USP19: variants seen among roughly 807,000 people sequenced by gnomAD.
The protein encoded by USP19 is ubiquitin specific peptidase 19, also known as ubiquitin carboxyl-terminal hydrolase 19.
Under a neutral mutation model 144.8 loss-of-function variants are expected in USP19, and 40 were observed. The ratio of observed to expected loss-of-function variants is 0.28; its 90% CI spans 0.21 to 0.36. USP19 has a LOEUF of 0.36. Ranked by LOEUF, USP19 falls within the 10% of genes least tolerant of loss-of-function variation. The probability of loss-of-function intolerance (pLI) is 1.00; values close to 1 mark genes in which losing one functional copy is unlikely to be tolerated. For synonymous variants in USP19, 701 were observed against 709.3 expected (o/e 0.99, Z 0.19); for missense variants, 1,518 against 1,822.5 (o/e 0.83, Z 3.04).
At position 49,108,823 on chromosome 3, in the gene USP19, G is replaced by A. The variant is rs983682063; in HGVS notation, c.4039-295C>T. The A allele has an allele frequency of 1.0e-5, 15 of 1,446,662 alleles. No individual in the cohort carries two copies. The African/African-American group carries it at 2.0e-4, about 19-fold the overall frequency. The allele number at this position is 1,446,662 out of a possible 1,614,324, so 89.6% of individuals were successfully genotyped here. On this transcript the variant is annotated intron_variant, in intron 26 of 26. Coordinates refer to ENST00000417901, the MANE Select transcript of USP19 (RefSeq NM_001199161.2). The surrounding 1 kb of genome is among the most constrained non-coding windows in gnomAD (Gnocchi z 4.8). ...CCTAGGATACTCTGCCCCTGCAGGG[G>A]CCACAACCTCCCCACCCTCTCCCAC... is the stretch of plus-strand genomic sequence containing the variant.
chr3:49,119,485 C>T (rs2107581139), intron 1 of USP19, among the ~76,000 whole-genome samples: 3 of 152,350 alleles, frequency 2.0e-5, no homozygotes, highest in Admixed American at 2.0e-4. Context: ...CTCATAGATA[C>T]CCACCATAAC....
intron 1 of USP19, among the ~76,000 whole-genome samples, chr3:49,119,861 T>A (rs1239994424): frequency 6.6e-6 from 1 of 152,132 alleles, no homozygotes; most frequent in East Asian, 1.9e-4. Context: ...GCTTGGTCCT[T>A]CTTCATTTCA....
At chr3:49,113,425 T>C (rs921771293) in intron 17 of USP19, among the ~76,000 whole-genome samples, 6 of 151,312 alleles carry the variant, frequency 4.0e-5, no homozygotes, top group Non-Finnish European at 8.8e-5. Context: ...TACAGACATG[T>C]GCCACCACGC....
At position 49,116,699 on chromosome 3, in the gene USP19, G is replaced by C. The variant is rs1320397412; in HGVS notation, c.1126+28C>G. ...CTACAAACTTTGCAACCCAACCTAG[G>C]GCTCTGCCTGCCCACCCCCACCTTT... On this transcript the variant is annotated intron_variant, in intron 7 of 26. Coordinates refer to ENST00000417901, the MANE Select transcript of USP19 (RefSeq NM_001199161.2). The surrounding 1 kb of genome is among the most constrained non-coding windows in gnomAD (Gnocchi z 5.0). 1 of 1,607,102 alleles carries C rather than the reference G, an allele frequency of 6.2e-7. No homozygotes were observed. Among genetic ancestry groups the C allele is most frequent in the African/African-American group, 1.3e-5 (1 of 74,754 alleles).
In USP19 at chr3:49,119,184, C is replaced by T. The variant is rs575524489; in HGVS notation, c.-39G>A. 1.9e-6 allele frequency: 3 copies of T among 1,596,082 alleles called. No individual in the cohort carries two copies. The highest frequency in any genetic ancestry group is 2.6e-6 in the Non-Finnish European group (3 of 1,172,266). On this transcript the variant is annotated 5_prime_UTR_variant, in exon 2 of 27. Transcript: ENST00000417901. ...GTCGACAGCCAGAGTGCCCCGGGGT[C>T]GGCAACAGCGTCTGGGTCAGGGCTG...
rs746760816 is a variant in USP19, at chr3:49,110,704, T to C, written c.3698+7A>G. ...CCCACCCACAGTTACCAAGGTCCACTGCTTACCTAACAGGGAACTCCACCA... is the reference window on the plus strand; with the variant it reads ...CCCACCCACAGTTACCAAGGTCCACCGCTTACCTAACAGGGAACTCCACCA... On this transcript the variant is annotated splice_region_variant and intron_variant, in intron 24 of 26. Transcript: ENST00000417901. This position sits in a 1 kb window ranked among gnomAD's most constrained non-coding sequence, Gnocchi z 6.1. The C allele has an allele frequency of 1.9e-6, 3 of 1,613,774 alleles. No individual in the cohort carries two copies. Among genetic ancestry groups the C allele is most frequent in the Non-Finnish European group, 2.5e-6 (3 of 1,179,880 alleles).
Position 49,118,005 on chromosome 3 carries a change from C to T in USP19, c.240G>A (p.Leu80=). 2 of 1,606,032 alleles carry T rather than the reference C, an allele frequency of 1.2e-6. No individual in the cohort carries two copies. Among genetic ancestry groups the T allele is most frequent in the South Asian group, 1.1e-5 (1 of 89,730 alleles). Residue 80 remains leucine (L), a synonymous_variant, in exon 3 of 27, where the codon CTG becomes CTA. Transcript: ENST00000417901. The part of the protein sequence containing the change: ...GITGSRHRTR[L]FFPSSSGSAS... ...CTGACCCTGACGATGAAGGAAAGAA[C>T]AGCCGGGTACGGTGGCGTGAGCCTG...
At position 49,110,016 on chromosome 3, in the gene USP19, A is replaced by G. The variant is rs370042551; in HGVS notation, c.4038+168T>C. On this transcript the variant is annotated intron_variant, in intron 26 of 26. Transcript: ENST00000417901. This position sits in a 1 kb window ranked among gnomAD's most constrained non-coding sequence, Gnocchi z 6.1. ...GTATGTTTGTTAGTGTCCCCAAGGCATGGGGATGCCTCTGGCTAAAGCTTT... is the reference window on the plus strand; with the variant it reads ...GTATGTTTGTTAGTGTCCCCAAGGCGTGGGGATGCCTCTGGCTAAAGCTTT... 1.4e-6 allele frequency: 1 copy of G among 739,762 alleles called. No individual in the cohort carries two copies. 45.8% of individuals were successfully genotyped at this position (739,762 alleles called of 1,614,324 possible).
rs866366361 is a variant in USP19 at position 49,110,279 on chromosome 3, G to A, written c.3943C>T (p.Arg1315Cys). The A allele has an allele frequency of 1.2e-5, 20 of 1,607,014 alleles. No individual in the cohort carries two copies. In the South Asian group the frequency reaches 1.4e-4, roughly 12 times the overall value. ...CTCTCCACAGGAGAGTTCCGCCGGCGGTAGAAGAGTACATAGGCATAACGC... is the reference window on the plus strand; with the variant it reads ...CTCTCCACAGGAGAGTTCCGCCGGCAGTAGAAGAGTACATAGGCATAACGC... ...VTRYAYVLFYRRRNSPVERPP... is the reference protein window; with the variant it reads ...VTRYAYVLFYCRRNSPVERPP... The change falls in exon 26 of 27, where the codon CGC becomes TGC. Residue 1315 changes from arginine to cysteine, a missense_variant. Physicochemically the swap from Arg to Cys is radical, Grantham distance 180 (BLOSUM62 -3). Around this residue, in one of 5 missense-constraint regions of USP19, gnomAD observed 122 missense variants for 200.4 expected, o/e 0.61. Transcript: ENST00000417901. This position sits in a 1 kb window ranked among gnomAD's most constrained non-coding sequence, Gnocchi z 6.1.
chr3:49,116,272 C>G lies in USP19; in HGVS notation c.1355+8G>C. On this transcript the variant is annotated splice_region_variant and intron_variant, in intron 9 of 26. Coordinates refer to ENST00000417901, the MANE Select transcript of USP19 (RefSeq NM_001199161.2). This position sits in a 1 kb window ranked among gnomAD's most constrained non-coding sequence, Gnocchi z 5.0. Reference sequence around the variant, plus strand: ...ACAGGCACAGTGGTGGGGCCGGGCACCACCCACCTGAGCTTCACCTGCCAA... The same window carrying G: ...ACAGGCACAGTGGTGGGGCCGGGCAGCACCCACCTGAGCTTCACCTGCCAA... 1.2e-6 allele frequency: 2 copies of G among 1,613,502 alleles called. No individual in the cohort carries two copies. Among genetic ancestry groups the G allele is most frequent in the Non-Finnish European group, 1.7e-6 (2 of 1,179,858 alleles).
At chr3:49,118,265 TTAAA>T in intron 2 of USP19, 145 bp from the exon 3 acceptor site, 1 of 366,152 alleles carries the variant, frequency 2.7e-6, no homozygotes, top group South Asian at 6.3e-5. Context: ...GACCCTGCCT[TTAAA>T]AAAAAAAAAA....
rs777009093 is a variant in USP19 at position 49,112,095 on chromosome 3, A to G, written c.2766-47T>C. On this transcript the variant is annotated intron_variant, in intron 19 of 26. Coordinates refer to ENST00000417901, the MANE Select transcript of USP19 (RefSeq NM_001199161.2). The surrounding 1 kb of genome is among the most constrained non-coding windows in gnomAD (Gnocchi z 4.9). Reference sequence around the variant, plus strand: ...GGATAGGCCCTTAGCCCCATCTCCTATGACTCCATACTGGGGGCTAGTCAT... The same window carrying G: ...GGATAGGCCCTTAGCCCCATCTCCTGTGACTCCATACTGGGGGCTAGTCAT... 6 of 1,603,968 alleles carry G rather than the reference A, an allele frequency of 3.7e-6. No individual in the cohort carries two copies. Among genetic ancestry groups the G allele is most frequent in the Non-Finnish European group, 5.1e-6 (6 of 1,174,288 alleles).
In USP19 at chr3:49,115,005, T is replaced by A; in HGVS notation, c.2135A>T (p.Asn712Ile). Residue 712 changes from asparagine (N) to isoleucine (I), a missense_variant, in exon 14 of 27, where the codon AAC (asparagine) becomes ATC (isoleucine). Physicochemically the swap from Asn to Ile is moderately radical, Grantham distance 149 (BLOSUM62 -3). Coordinates refer to ENST00000417901, the MANE Select transcript of USP19 (RefSeq NM_001199161.2). This position sits in a 1 kb window ranked among gnomAD's most constrained non-coding sequence, Gnocchi z 6.6. ...GLHEDLNRIQNKPYTETVDSD... is the reference protein window; with the variant it reads ...GLHEDLNRIQIKPYTETVDSD... ...ATCCACGGTCTCTGTGTAGGGCTTG[T>A]TCTGAATGCGATTCAGGTCCTCGTG... The A allele has an allele frequency of 6.2e-7, 1 of 1,614,144 alleles. No individual in the cohort carries two copies. Among genetic ancestry groups the A allele is most frequent in the Non-Finnish European group, 8.5e-7 (1 of 1,180,016 alleles).
chr3:49,111,864 C>T lies in USP19; in HGVS notation c.2903+47G>A. ...AGACTCCTGACCAGCCCATCTAGCA[C>T]CTCTGCCCCCACCTACACCACTCTA... is the stretch of plus-strand genomic sequence containing the variant. On this transcript the variant is annotated intron_variant, in intron 20 of 26. Coordinates refer to ENST00000417901, the MANE Select transcript of USP19 (RefSeq NM_001199161.2). The surrounding 1 kb of genome is among the most constrained non-coding windows in gnomAD (Gnocchi z 5.9). 2 of 1,607,536 alleles carry T rather than the reference C, an allele frequency of 1.2e-6. No individual in the cohort carries two copies. The highest frequency in any genetic ancestry group is 8.5e-7 in the Non-Finnish European group (1 of 1,176,000).
rs778308115 is a variant in USP19 at position 49,111,765 on chromosome 3, GGCCATGCGGCCT to G, written c.2940_2951del (p.Gly981_Ala984del). 1.3e-6 allele frequency: 2 copies of G among 1,554,458 alleles called. No individual in the cohort carries two copies. The highest frequency in any genetic ancestry group is 1.4e-5 in the African/African-American group (1 of 73,262). On this transcript the variant is annotated inframe_deletion, in exon 21 of 27. Transcript: ENST00000417901. This position sits in a 1 kb window ranked among gnomAD's most constrained non-coding sequence, Gnocchi z 5.9. The stretch of plus-strand genomic sequence containing the variant: ...TGCAGCCAGGGCTCTGAGACTCCAA[GGCCATGCGGCCT>G]GGCTGAAAGGGTGGCTGGAATACAC...
At chr3:49,109,991 G>T (rs2042897290) in intron 26 of USP19, 193 bp downstream of exon 26, 1 of 576,384 alleles carries the variant, frequency 1.7e-6, no homozygotes, top group Non-Finnish European at 2.7e-6. Flanking sequence ...TAGTGTACTT[G>T]TATGTTTGTT....
Position 49,108,521 on chromosome 3 carries a change from C to A in USP19, c.4046G>T (p.Gly1349Val). 1 of 1,249,212 alleles carries A rather than the reference C, an allele frequency of 8.0e-7. No individual in the cohort carries two copies. The highest frequency in any genetic ancestry group is 1.0e-6 in the Non-Finnish European group (1 of 972,942). The allele number at this position is 1,249,212 out of a possible 1,614,324, so 77.4% of individuals were successfully genotyped here. Residue 1349 changes from glycine to valine, a missense_variant, in exon 27 of 27, where the codon GGC (glycine) becomes GTC (valine). Gly to Val is a moderately radical substitution (Grantham distance 109). Coordinates refer to ENST00000417901, the MANE Select transcript of USP19 (RefSeq NM_001199161.2). The surrounding 1 kb of genome is among the most constrained non-coding windows in gnomAD (Gnocchi z 4.8). ...GGCCACCTCGGGGGCCTGGCCAGGG[C>A]CTAGTCCCTGCAACAGAATACGAGG... ...AAEAAASQGL[G>V]PGQAPEVAPT...
In USP19 at chr3:49,114,726, G is replaced by C; in HGVS notation, c.2292+37C>G. 6 of 1,605,228 alleles carry C rather than the reference G, an allele frequency of 3.7e-6. No homozygotes were observed. Among genetic ancestry groups the C allele is most frequent in the Non-Finnish European group, 5.1e-6 (6 of 1,172,414 alleles). On this transcript the variant is annotated intron_variant, in intron 15 of 26. Coordinates refer to ENST00000417901, the MANE Select transcript of USP19 (RefSeq NM_001199161.2). The surrounding 1 kb of genome is among the most constrained non-coding windows in gnomAD (Gnocchi z 4.5). ...CTAATGTGACCAGAATAGCTGAGCT[G>C]AACTAGGGGGTCTCTTTCCAGGGGA...
rs775825443 is a variant in USP19 at position 49,111,966 on chromosome 3, G to A, written c.2848C>T (p.Pro950Ser). 3 of 1,614,088 alleles carry A rather than the reference G, an allele frequency of 1.9e-6. No individual in the cohort carries two copies. Among genetic ancestry groups the A allele is most frequent in the Non-Finnish European group, 2.5e-6 (3 of 1,180,042 alleles). ...CGGGCATAAGTGAGGCGTGAGGCAGGTACACTGACCAGGAAGGGGTAGCCA... is the reference window on the plus strand; with the variant it reads ...CGGGCATAAGTGAGGCGTGAGGCAGATACACTGACCAGGAAGGGGTAGCCA... ...NIGYPFLVSV[P>S]ASRLTYARLA... The change falls in exon 20 of 27, where the codon CCT (proline) becomes TCT (serine). Residue 950 changes from proline to serine, a missense_variant. Pro to Ser is a moderately conservative substitution (Grantham distance 74). Coordinates refer to ENST00000417901, the MANE Select transcript of USP19 (RefSeq NM_001199161.2). This position sits in a 1 kb window ranked among gnomAD's most constrained non-coding sequence, Gnocchi z 5.9.
Sources: allele counts gnomAD v4.1 joint callset (sites outside exome capture counted in the v4.1 genomes callset), GRCh38; gene constraint gnomAD v4.1.1; regional missense constraint gnomAD v4.1.1; non-coding constraint Gnocchi (gnomAD v3.1); transcripts MANE v1.5; gene names NCBI Gene and HGNC (gene_info 2026-07-23, HGNC 2026-07-21).